Variants in DAD1 observed in about 807,000 individuals in gnomAD.
DAD1 encodes dolichyl-diphosphooligosaccharide--protein glycosyltransferase subunit DAD1.
In DAD1, 4 loss-of-function variants were observed where a neutral mutation model predicts 9.0. The observed-to-expected ratio is 0.44, with a 90% CI of 0.22 to 1.01. The LOEUF is 1.01. Among genes scored for constraint, DAD1 ranks in the 50% least tolerant of loss-of-function variants. The pLI is 0.24. For missense variants in DAD1, 119 were observed against 137.3 expected (o/e 0.87, Z 0.67); for synonymous variants, 60 against 62.5 (o/e 0.96, Z 0.19).
At chr14:22,574,149 G>A (rs17119961) in intron 2 of DAD1, among the ~76,000 whole-genome samples, 3,557 of 152,222 alleles carry the variant, frequency 0.023, 148 homozygotes, top group African/African-American at 0.081. Context: ...ATGGGATACC[G>A]GAAGGAGTAC....
At position 22,575,111 on chromosome 14, in the gene DAD1, C is replaced by T. The variant is rs1182742946; in HGVS notation, c.334G>A (p.Val112Ile). Residue 112 changes from valine to isoleucine, a missense_variant, in exon 2 of 3, where the codon GTT (valine) becomes ATT (isoleucine). Coordinates refer to ENST00000250498, the MANE Select transcript of DAD1 (RefSeq NM_001344.4). Reference sequence around the variant, plus strand: ...AAGTAAATGAGAATGATTCAGCCAACAAAGTTCATGACAACAAGGTGCAGG... The same window carrying T: ...AAGTAAATGAGAATGATTCAGCCAATAAAGTTCATGACAACAAGGTGCAGG... ...TILHLVVMNF[V>I]G 1 of 1,613,898 alleles carries T rather than the reference C, an allele frequency of 6.2e-7. No individual in the cohort carries two copies. The highest frequency in any genetic ancestry group is 8.5e-7 in the Non-Finnish European group (1 of 1,179,904).
chr14:22,568,521 A>T (rs1450656719), intron 2 of DAD1, among the ~76,000 whole-genome samples: 1 of 152,178 alleles, frequency 6.6e-6, no homozygotes, highest in African/African-American at 2.4e-5. Context: ...ATCCTCCTCA[A>T]ACACAAAAGA....
chr14:22,588,799 A>G (rs927384348), intron 1 of DAD1, 148 bp downstream of exon 1: 1 of 817,882 alleles, frequency 1.2e-6, no homozygotes, highest in East Asian at 2.7e-5. Context: ...AAGCTTTCTG[A>G]GCCTCAATTT....
At chr14:22,582,727 C>T (rs1032032888) in intron 1 of DAD1, among the ~76,000 whole-genome samples, 1 of 152,120 alleles carries the variant, frequency 6.6e-6, no homozygotes, top group East Asian at 1.9e-4. Flanking sequence ...CACAACCGGC[C>T]GGGCATGGCG....
intron 1 of DAD1, among the ~76,000 whole-genome samples, chr14:22,587,203 C>G (rs1407153166): frequency 6.6e-6 from 1 of 152,190 alleles, no homozygotes; most frequent in Non-Finnish European, 1.5e-5. Flanking sequence ...TTCAGCAAAC[C>G]ACATTCTTCA....
At chr14:22,582,991 G>A (rs1031938552) in intron 1 of DAD1, among the ~76,000 whole-genome samples, 10 of 129,550 alleles carry the variant, frequency 7.7e-5, no homozygotes, top group East Asian at 2.3e-4. Flanking sequence ...GGGTGACAGA[G>A]TGAGACTATG....
intron 2 of DAD1, among the ~76,000 whole-genome samples, chr14:22,569,409 G>GTAGTGCACTACT (rs2037023105): frequency 2.0e-5 from 3 of 148,046 alleles, no homozygotes; most frequent in Non-Finnish European, 4.4e-5. Flanking sequence ...CTACAGCCTG[G>GTAGTGCACTACT]ACAACAAAGC....
intron 1 of DAD1, among the ~76,000 whole-genome samples, chr14:22,581,218 A>G (rs1939285968): frequency 6.6e-6 from 1 of 152,372 alleles, no homozygotes; most frequent in South Asian, 2.1e-4. Context: ...CATATAATCA[A>G]TAAGTTAACA....
At chr14:22,577,362 A>C (rs1349957560) in intron 1 of DAD1, among the ~76,000 whole-genome samples, 2 of 152,142 alleles carry the variant, frequency 1.3e-5, no homozygotes, top group East Asian at 3.8e-4. Flanking sequence ...TGAACCCAGG[A>C]GGTGGAGGCT....
intron 1 of DAD1, among the ~76,000 whole-genome samples, chr14:22,584,976 T>C (rs2037142721): frequency 6.6e-6 from 1 of 152,210 alleles, no homozygotes; most frequent in Non-Finnish European, 1.5e-5. Context: ...GTAGCAATGA[T>C]ATGAAAGATA....
chr14:22,589,197 TGG>T lies in DAD1; in HGVS notation c.-42_-41del. On this transcript the variant is annotated 5_prime_UTR_variant, in exon 1 of 3. Coordinates refer to ENST00000250498, the MANE Select transcript of DAD1 (RefSeq NM_001344.4). ...TACTCCGGTCCGCGCCCCAAACTCTTGGAGGACCCGTCGACCACACCGGATGT... is the reference window on the plus strand; with the variant it reads ...TACTCCGGTCCGCGCCCCAAACTCTTAGGACCCGTCGACCACACCGGATGT... 6.2e-7 allele frequency: 1 copy of T among 1,605,680 alleles called. No individual in the cohort carries two copies. Among genetic ancestry groups the T allele is most frequent in the Non-Finnish European group, 8.5e-7 (1 of 1,172,946 alleles).
chr14:22,571,267 C>G (rs1177396495), intron 2 of DAD1, among the ~76,000 whole-genome samples: 1 of 144,558 alleles, frequency 6.9e-6, no homozygotes, highest in African/African-American at 2.7e-5. Flanking sequence ...TGAGCCAAGA[C>G]TGCACCACTG....
intron 1 of DAD1, among the ~76,000 whole-genome samples, chr14:22,577,394 G>A (rs1248401627): frequency 1.3e-5 from 2 of 152,096 alleles, no homozygotes; most frequent in African/African-American, 2.4e-5. Flanking sequence ...ACATCACTCC[G>A]TCCCACTCCA....
intron 1 of DAD1, among the ~76,000 whole-genome samples, chr14:22,583,526 G>A (rs1026243892): frequency 6.6e-6 from 1 of 152,180 alleles, no homozygotes; most frequent in Non-Finnish European, 1.5e-5. Context: ...AAGGGAGGAA[G>A]TAGGAACATT....
At chr14:22,571,278 C>T (rs113265759) in intron 2 of DAD1, among the ~76,000 whole-genome samples, 4,517 of 142,284 alleles carry the variant, frequency 0.032, 101 homozygotes, top group Middle Eastern at 0.067. Flanking sequence ...TGCACCACTG[C>T]ACTCTAGCCT....
chr14:22,570,138 G>C (rs2037028278), intron 2 of DAD1, among the ~76,000 whole-genome samples: 1 of 151,972 alleles, frequency 6.6e-6, no homozygotes, highest in South Asian at 2.1e-4. Flanking sequence ...AAGAGAAAAT[G>C]AAATAAAAAC....
intron 2 of DAD1, among the ~76,000 whole-genome samples, chr14:22,571,023 T>A (rs370124151): frequency 2.4e-4 from 25 of 104,656 alleles, no homozygotes; most frequent in Admixed American, 1.8e-3. Context: ...TTTTTTTTTT[T>A]TTAAAAAAGA....
At chr14:22,572,985 G>A (rs1177314502) in intron 2 of DAD1, among the ~76,000 whole-genome samples, 9 of 152,184 alleles carry the variant, frequency 5.9e-5, no homozygotes, top group Non-Finnish European at 1.3e-4. Flanking sequence ...ACTAGCAATA[G>A]CTGTTATCCA....
chr14:22,574,839 T>C (rs929058548), intron 2 of DAD1, among the ~76,000 whole-genome samples: 4 of 152,248 alleles, frequency 2.6e-5, no homozygotes, highest in South Asian at 2.1e-4. Context: ...TAATTTTCTA[T>C]TACCTTAATG....
Sources: allele counts gnomAD v4.1 joint callset (sites outside exome capture counted in the v4.1 genomes callset), GRCh38; gene constraint gnomAD v4.1.1; transcripts MANE v1.5; gene names NCBI Gene and HGNC (gene_info 2026-07-23, HGNC 2026-07-21).